DMD: variants seen among roughly 807,000 people sequenced by gnomAD.
The protein encoded by DMD is dystrophin.
Under a neutral mutation model 330.1 loss-of-function variants are expected in DMD, and 63 were observed. That is an observed-to-expected ratio of 0.19 (90% CI 0.16 to 0.24). DMD has a LOEUF of 0.24. Among genes scored for constraint, DMD ranks in the 10% least tolerant of loss-of-function variants. The pLI is 1.00. For synonymous variants in DMD, 1,223 were observed against 959.8 expected, an observed-to-expected ratio of 1.27 and a Z score of -5.07; for missense variants, 3,344 against 2,684.1, an observed-to-expected ratio of 1.25 and a Z score of -5.43.
At chrX:33,260,904 T>C (rs898393168) in intron 1 of DMD, among the ~76,000 whole-genome samples, 5 of 111,633 alleles carry the variant, frequency 4.5e-5, no homozygotes, top group South Asian at 3.6e-4. Context: ...TTTCCAGCTA[T>C]CATGCTAGTT....
chrX:32,488,103 A>G (rs1238873505), intron 20 of DMD, among the ~76,000 whole-genome samples: 2 of 111,548 alleles, frequency 1.8e-5, no homozygotes, highest in Non-Finnish European at 3.8e-5. Context: ...TTTGAAACTA[A>G]TAAAACATTT....
intron 43 of DMD, among the ~76,000 whole-genome samples, chrX:32,285,260 G>A (rs1252927038): frequency 5.4e-5 from 6 of 111,111 alleles, no homozygotes. Flanking sequence ...ACTATAAGAA[G>A]ACAAACCAGA....
At chrX:31,374,435 A>G (rs190372411) in intron 60 of DMD, among the ~76,000 whole-genome samples, 1,205 of 110,279 alleles carry the variant, frequency 0.011, 13 homozygotes, top group African/African-American at 0.037. Context: ...ATGTCCAACA[A>G]TGATAGGCTG....
Position 33,071,647 on chromosome X carries a change from TTG to T in DMD, c.32-51449_32-51448del, listed in dbSNP as rs778137248. Among the ~76,000 whole-genome samples, 391 of 111,463 alleles carry T rather than the reference TTG, an allele frequency of 3.5e-3. 2 individuals carry two copies. The highest frequency in any genetic ancestry group is 0.012 in the African/African-American group (376 of 30,724). Reference sequence around the variant, plus strand: ...ATATTCATTTGAAGCCCAATCATTGTTGTGTGAGCTTCTTCATATTATCTTAT... The same window carrying T: ...ATATTCATTTGAAGCCCAATCATTGTTGTGAGCTTCTTCATATTATCTTAT... On this transcript the variant is annotated intron_variant, in intron 1 of 78. Transcript: ENST00000357033.
chrX:32,565,073 C>A (rs1372485315), intron 16 of DMD, among the ~76,000 whole-genome samples: 1 of 111,348 alleles, frequency 9.0e-6, no homozygotes. Flanking sequence ...ATTTTAGTGA[C>A]TAAATCTTTA....
chrX:32,600,295 T>C (rs767517886), intron 12 of DMD, among the ~76,000 whole-genome samples: 1 of 111,636 alleles, frequency 9.0e-6, no homozygotes, highest in Non-Finnish European at 1.9e-5. Flanking sequence ...CATGGAATTA[T>C]GTAAGGCTAG....
chrX:32,343,244 G>A lies in DMD; in HGVS notation c.5629C>T (p.His1877Tyr). Residue 1877 changes from histidine (H) to tyrosine (Y), a missense_variant, in exon 40 of 79, where the codon CAT becomes TAT. Physicochemically the swap from His to Tyr is moderately conservative, Grantham distance 83. Coordinates refer to ENST00000357033, the MANE Select transcript of DMD (RefSeq NM_004006.3). The stretch of plus-strand genomic sequence containing the variant: ...TGCCTCTTGTACTGATACCACTGAT[G>A]AGAAATTTCTAGAGCCTTTTTTCTT... The part of the protein sequence containing the change: ...QRRKKALEIS[H>Y]QWYQYKRQAD... 4 of 1,208,367 alleles carry A rather than the reference G, an allele frequency of 3.3e-6. No homozygotes were observed. Among genetic ancestry groups the A allele is most frequent in the Non-Finnish European group, 3.4e-6 (3 of 893,099 alleles).
intron 4 of DMD, among the ~76,000 whole-genome samples, chrX:32,826,379 G>A (rs1362942006): frequency 1.8e-5 from 2 of 111,509 alleles, no homozygotes; most frequent in Admixed American, 9.6e-5. Context: ...AGAAATAACT[G>A]CACTTCAATG....
rs146349555 is a variant in DMD at position 33,049,680 on chromosome X, T to C, written c.32-29480A>G. 6.9e-3 allele frequency among the ~76,000 whole-genome samples: 767 copies of C among 111,041 alleles called. 5 individuals are homozygous for C. Among genetic ancestry groups the C allele is most frequent in the African/African-American group, 0.021 (632 of 30,591 alleles). On this transcript the variant is annotated intron_variant, in intron 1 of 78. Coordinates refer to ENST00000357033, the MANE Select transcript of DMD (RefSeq NM_004006.3). ...AGGAAACTTGGCCACTATGGAATAG[T>C]ACCAAAGTGAATTTTTAGAAGCTAT...
In DMD at chrX:33,335,017, C is replaced by T. The variant is rs757603976; in HGVS notation, c.7+4242G>A. Among the ~76,000 whole-genome samples, 3 of 111,299 alleles carry T rather than the reference C, an allele frequency of 2.7e-5. No homozygotes were observed. The East Asian group carries it at 8.5e-4, about 32-fold the overall frequency. ...GGTGCAAGTGAGTCTAAACCCTCTTCTGCATTATAGCACATCGAATATTTG... is the reference window on the plus strand; with the variant it reads ...GGTGCAAGTGAGTCTAAACCCTCTTTTGCATTATAGCACATCGAATATTTG... On this transcript the variant is annotated intron_variant, in intron 1 of 17. Transcript: ENST00000288447.
Position 32,472,156 on chromosome X carries a change from T to C in DMD, c.2949+8A>G. Reference sequence around the variant, plus strand: ...CTTTATTGTTTTGACATTCAAATATTCACAGACCTGCAATTCCCCGAGTCT... The same window carrying C: ...CTTTATTGTTTTGACATTCAAATATCCACAGACCTGCAATTCCCCGAGTCT... On this transcript the variant is annotated splice_region_variant and intron_variant, in intron 22 of 78. Transcript: ENST00000357033. The C allele has an allele frequency of 8.3e-7, 1 of 1,210,578 alleles. No individual in the cohort carries two copies. Among genetic ancestry groups the C allele is most frequent in the African/African-American group, 1.7e-5 (1 of 57,761 alleles).
At chrX:32,996,684 G>T (rs1160114811) in intron 2 of DMD, among the ~76,000 whole-genome samples, 1 of 110,962 alleles carries the variant, frequency 9.0e-6, no homozygotes, top group Non-Finnish European at 1.9e-5. Context: ...AGGCATGGTG[G>T]CACACACCTG....
rs191083313 is a variant in DMD at position 33,231,000 on chromosome X, G to T, written c.7+108259C>A. ...AATAACAGTTGGAATCAGGCACCTT[G>T]GTACTTCATGAGTATTTTGCAACAG... On this transcript the variant is annotated intron_variant, in intron 1 of 17. Transcript: ENST00000288447. Among the ~76,000 whole-genome samples the T allele has an allele frequency of 1.4e-4, 16 of 111,217 alleles. 1 individual carries two copies. The highest frequency in any genetic ancestry group is 5.6e-4 in the East Asian group (2 of 3,542).
At chrX:32,848,746 G>A (rs1218131668) in intron 3 of DMD, among the ~76,000 whole-genome samples, 1 of 111,292 alleles carries the variant, frequency 9.0e-6, no homozygotes, top group Non-Finnish European at 1.9e-5. Flanking sequence ...GGTAATTTGG[G>A]AAAAGCTTTA....
intron 2 of DMD, among the ~76,000 whole-genome samples, chrX:32,952,409 G>A: frequency 9.0e-6 from 1 of 111,489 alleles, no homozygotes; most frequent in Non-Finnish European, 1.9e-5. Flanking sequence ...TGGGATTACA[G>A]GCCTGAGCCA....
intron 45 of DMD, among the ~76,000 whole-genome samples, chrX:31,959,643 T>C (rs780174801): frequency 9.0e-6 from 1 of 111,314 alleles, no homozygotes; most frequent in Non-Finnish European, 1.9e-5. Context: ...TTTCTTTGAA[T>C]TACAGTCAGA....
chrX:31,169,522 C>A lies in DMD; in HGVS notation c.10474G>T (p.Ala3492Ser), dbSNP rs749781194. 1.7e-6 allele frequency: 2 copies of A among 1,203,059 alleles called. No individual in the cohort carries two copies. The highest frequency in any genetic ancestry group is 2.3e-6 in the Non-Finnish European group (2 of 888,649). Residue 3492 changes from alanine (A) to serine (S), a missense_variant, in exon 74 of 79, where the codon GCC becomes TCC. Physicochemically the swap from Ala to Ser is moderately conservative, Grantham distance 99. Transcript: ENST00000357033. ...CTCTCTAAGGAAATCAAGATCTGGG[C>A]AGGACTACGAGGCTGGCTCAGGGGG... ...DSPLSQPRSPAQILISLESEE... is the reference protein window; with the variant it reads ...DSPLSQPRSPSQILISLESEE...
intron 41 of DMD, among the ~76,000 whole-genome samples, chrX:32,334,853 A>G (rs901544376): frequency 9.0e-6 from 1 of 111,635 alleles, no homozygotes; most frequent in Non-Finnish European, 1.9e-5. Context: ...TAGAGTAAGG[A>G]AAGTTTGCTT....
chrX:32,732,949 C>T lies in DMD; in HGVS notation c.650-33656G>A, dbSNP rs141107968. Among the ~76,000 whole-genome samples the T allele has an allele frequency of 2.5e-3, 281 of 111,042 alleles. 1 individual carries two copies. Among genetic ancestry groups the T allele is most frequent in the African/African-American group, 8.8e-3 (267 of 30,436 alleles). ...AATGTAAATGGGCTAAATGCTCCAA[C>T]TAAAAGACACAGACTGGCAACTTGG... On this transcript the variant is annotated intron_variant, in intron 7 of 78. Coordinates refer to ENST00000357033, the MANE Select transcript of DMD (RefSeq NM_004006.3).
Sources: gnomAD v4.1 joint callset for allele counts (sites outside exome capture counted in the v4.1 genomes callset) on GRCh38, gnomAD v4.1.1 for gene constraint, MANE v1.5 for transcripts, NCBI Gene and HGNC (gene_info 2026-07-23, HGNC 2026-07-21) for gene names.